Variants in AGBL4 observed in about 807,000 individuals in gnomAD.
AGBL4 encodes the protein cytosolic carboxypeptidase 6.
Under a neutral mutation model 66.4 loss-of-function variants are expected in AGBL4, and 58 were observed. The ratio of observed to expected loss-of-function variants is 0.87; its 90% CI spans 0.71 to 1.09. The LOEUF (loss-of-function observed/expected upper bound fraction) is 1.09. Ranked by LOEUF, AGBL4 falls within the 50% of genes least tolerant of loss-of-function variation. The pLI is 0.00. For missense variants in AGBL4, 579 were observed against 631.0 expected (o/e 0.92, Z 0.88); for synonymous variants, 234 against 222.9 (o/e 1.05, Z -0.44).
At chr1:49,174,194 A>T (rs990542524) in intron 4 of AGBL4, among the ~76,000 whole-genome samples, 5 of 152,166 alleles carry the variant, frequency 3.3e-5, no homozygotes, top group Admixed American at 3.3e-4. Flanking sequence ...ACACTGTATC[A>T]TATTTGTATG....
intron 4 of AGBL4, among the ~76,000 whole-genome samples, chr1:49,232,350 T>C (rs910856177): frequency 3.3e-5 from 5 of 152,214 alleles, no homozygotes; most frequent in African/African-American, 9.6e-5. Flanking sequence ...GTCTTTCTAA[T>C]ATTAATAATC....
chr1:48,611,163 G>A (rs61527297), intron 9 of AGBL4, among the ~76,000 whole-genome samples: 1 of 152,228 alleles, frequency 6.6e-6, no homozygotes, highest in Non-Finnish European at 1.5e-5. Flanking sequence ...AGGCCGCCCA[G>A]CCCTCTGGCA....
intron 2 of AGBL4, among the ~76,000 whole-genome samples, chr1:49,836,743 A>C (rs1645860061): frequency 6.6e-6 from 1 of 152,034 alleles, no homozygotes; most frequent in South Asian, 2.1e-4. Context: ...GACGTTGGTG[A>C]CCTTCGGATG....
chr1:49,336,517 A>T (rs1389941142), intron 3 of AGBL4, among the ~76,000 whole-genome samples: 2 of 152,220 alleles, frequency 1.3e-5, no homozygotes, highest in Non-Finnish European at 2.9e-5. Context: ...ACATAAAATG[A>T]ATCATCACAA....
intron 3 of AGBL4, among the ~76,000 whole-genome samples, chr1:49,246,430 C>T (rs894049961): frequency 6.6e-6 from 1 of 151,804 alleles, no homozygotes; most frequent in Non-Finnish European, 1.5e-5. Context: ...CTTGAAACCC[C>T]TTTGACTAGA....
intron 4 of AGBL4, among the ~76,000 whole-genome samples, chr1:49,147,945 A>G (rs1017509310): frequency 2.0e-5 from 3 of 152,110 alleles, no homozygotes; most frequent in African/African-American, 7.2e-5. Context: ...TGTCCAAAGC[A>G]GGGATCTTTC....
chr1:49,678,665 C>G (rs963296384), intron 3 of AGBL4, among the ~76,000 whole-genome samples: 2 of 151,030 alleles, frequency 1.3e-5, no homozygotes, highest in Non-Finnish European at 2.9e-5. Flanking sequence ...TTTTCATTTT[C>G]ATTCACTTCA....
At chr1:49,797,040 TAGG>T (rs1644748426) in intron 2 of AGBL4, among the ~76,000 whole-genome samples, 1 of 152,158 alleles carries the variant, frequency 6.6e-6, no homozygotes, top group Non-Finnish European at 1.5e-5. Flanking sequence ...TTATAAGAAA[TAGG>T]AGGATTATAT....
chr1:48,872,685 A>C (rs899251580), intron 5 of AGBL4, among the ~76,000 whole-genome samples: 12 of 152,244 alleles, frequency 7.9e-5, no homozygotes, highest in South Asian at 2.1e-4. Context: ...AAACAAACAA[A>C]CAACCAAGAA....
At chr1:48,567,034 C>A (rs915670671) in intron 11 of AGBL4, among the ~76,000 whole-genome samples, 1 of 152,098 alleles carries the variant, frequency 6.6e-6, no homozygotes, top group Non-Finnish European at 1.5e-5. Flanking sequence ...ACACACACAC[C>A]CTATTTGTCC....
At chr1:49,684,645 T>C (rs1269807765) in intron 3 of AGBL4, among the ~76,000 whole-genome samples, 1 of 152,210 alleles carries the variant, frequency 6.6e-6, no homozygotes, top group African/African-American at 2.4e-5. Flanking sequence ...ATAATCTTAA[T>C]AAAAATGCAA....
At chr1:49,072,341 T>C (rs767957173) in intron 4 of AGBL4, among the ~76,000 whole-genome samples, 5 of 152,212 alleles carry the variant, frequency 3.3e-5, no homozygotes, top group Non-Finnish European at 5.9e-5. Context: ...ATAGCATCGA[T>C]GGTCTTTACA....
At chr1:48,727,060 A>G (rs1419371463) in intron 6 of AGBL4, among the ~76,000 whole-genome samples, 1 of 152,228 alleles carries the variant, frequency 6.6e-6, no homozygotes, top group East Asian at 1.9e-4. Context: ...GGTTTGCCAG[A>G]ATGTGTGCCA....
intron 4 of AGBL4, among the ~76,000 whole-genome samples, chr1:49,075,388 T>C (rs1644690222): frequency 6.6e-6 from 1 of 152,220 alleles, no homozygotes; most frequent in South Asian, 2.1e-4. Context: ...ATTTATCTTA[T>C]GATTCTTAGA....
chr1:48,713,635 T>C (rs320062), intron 6 of AGBL4, among the ~76,000 whole-genome samples: 136,424 of 152,132 alleles, frequency 0.9, 62,911 homozygotes, highest in Non-Finnish European at 1. Context: ...AGAGCCTGGA[T>C]CATGTGGACA....
At chr1:50,002,232 C>T (rs557818604) in intron 1 of AGBL4, among the ~76,000 whole-genome samples, 2 of 152,046 alleles carry the variant, frequency 1.3e-5, no homozygotes, top group African/African-American at 2.4e-5. Flanking sequence ...GTCAAATACA[C>T]CAAAGGTAAT....
intron 5 of AGBL4, among the ~76,000 whole-genome samples, chr1:48,986,699 T>C (rs1438613631): frequency 3.3e-5 from 5 of 152,210 alleles, no homozygotes; most frequent in Admixed American, 3.3e-4. Flanking sequence ...GATGGAAATA[T>C]GGATACCAGA....
At chr1:49,615,554 A>C (rs1342443134) in intron 3 of AGBL4, among the ~76,000 whole-genome samples, 1 of 152,144 alleles carries the variant, frequency 6.6e-6, no homozygotes, top group Non-Finnish European at 1.5e-5. Context: ...TTAATTCCTG[A>C]TGTTAGAGAA....
chr1:49,281,732 C>A (rs981911536), intron 3 of AGBL4, among the ~76,000 whole-genome samples: 7 of 152,132 alleles, frequency 4.6e-5, no homozygotes, highest in African/African-American at 9.7e-5. Flanking sequence ...AATGAAGCAT[C>A]CAAAAGAAAT....
Sources: gnomAD v4.1 joint callset for allele counts (sites outside exome capture counted in the v4.1 genomes callset) on GRCh38, gnomAD v4.1.1 for gene constraint, MANE v1.5 for transcripts, NCBI Gene and HGNC (gene_info 2026-07-23, HGNC 2026-07-21) for gene names.